GSN: variants seen among roughly 807,000 people sequenced by gnomAD.
GSN encodes gelsolin.
In GSN, 56 loss-of-function variants were observed where a neutral mutation model predicts 85.7. That is an observed-to-expected ratio of 0.65 (90% CI 0.53 to 0.82). The LOEUF is 0.82. Ranked by LOEUF, GSN falls within the 40% of genes least tolerant of loss-of-function variation. The pLI is 0.00. For missense variants in GSN, 857 were observed against 979.8 expected (o/e 0.87, Z 1.67); for synonymous variants, 373 against 399.1 (o/e 0.93, Z 0.78).
rs1442610106 is a variant in GSN at position 121,299,114 on chromosome 9, A to C, written c.-9-2849A>C. The C allele has an allele frequency of 6.2e-6, 1 of 160,928 alleles. No individual in the cohort carries two copies. The highest frequency in any genetic ancestry group is 1.3e-5 in the Non-Finnish European group (1 of 75,974). The allele number at this position is 160,928 out of a possible 1,614,324, so 10.0% of individuals were successfully genotyped here. A position where few individuals can be genotyped will look rare whatever the true frequency, so the allele number is the denominator to read the frequency against. ...GAGGTAAATGTGATGGAGAGGGAAC[A>C]ACTGTGTACAAACATGTGACTTTAC... On this transcript the variant is annotated intron_variant, in intron 2 of 17. Coordinates refer to ENST00000432226, the MANE Select transcript of GSN (RefSeq NM_198252.3). This position sits in a 1 kb window ranked among gnomAD's most constrained non-coding sequence, Gnocchi z 4.2.
upstream of GSN, among the ~76,000 whole-genome samples, chr9:121,207,451 A>G (rs143534560): frequency 2.6e-3 from 391 of 152,298 alleles, 3 homozygotes; most frequent in Middle Eastern, 0.014. Context: ...GGAAGTAATT[A>G]TATCTATTTT....
At chr9:121,224,026 A>G (rs1358235032) in intron 4 of GSN, among the ~76,000 whole-genome samples, 4 of 152,022 alleles carry the variant, frequency 2.6e-5, no homozygotes, top group Non-Finnish European at 5.9e-5. Flanking sequence ...AGTAATATCA[A>G]TCTTTTCAGT....
chr9:121,270,568 C>T (rs2055787523), intron 1 of GSN, among the ~76,000 whole-genome samples: 2 of 152,162 alleles, frequency 1.3e-5, no homozygotes, highest in Admixed American at 1.3e-4. Context: ...GAGAAGGTTG[C>T]TAAGGTATTC....
rs2061955704 is a variant in GSN at position 121,318,285 on chromosome 9, CCA to C, written c.887-118_887-117del. ...TCTGGGGGTCTCTGGCCTTGGCTGTCCACAGTCTAAGAAGAGTAGGGAGGGAA... is the reference window on the plus strand; with the variant it reads ...TCTGGGGGTCTCTGGCCTTGGCTGTCCAGTCTAAGAAGAGTAGGGAGGGAA... On this transcript the variant is annotated intron_variant, in intron 8 of 17. Transcript: ENST00000432226. The surrounding 1 kb of genome is among the most constrained non-coding windows in gnomAD (Gnocchi z 4.3). 1.2e-6 allele frequency: 1 copy of C among 855,910 alleles called. No homozygotes were observed. Among genetic ancestry groups the C allele is most frequent in the African/African-American group, 1.7e-5 (1 of 60,446 alleles). The allele number at this position is 855,910 out of a possible 1,614,324, so 53.0% of individuals were successfully genotyped here.
chr9:121,294,721 G>C (rs947111208), intron 2 of GSN, among the ~76,000 whole-genome samples: 1 of 152,208 alleles, frequency 6.6e-6, no homozygotes, highest in African/African-American at 2.4e-5. Context: ...TGGAGACCCA[G>C]GCCTCAGTTC....
intron 2 of GSN, among the ~76,000 whole-genome samples, chr9:121,288,290 C>G (rs1451609484): frequency 1.3e-5 from 2 of 152,166 alleles, no homozygotes; most frequent in Admixed American, 6.5e-5. Flanking sequence ...TGACCTCATG[C>G]AAATTATTGC....
intron 7 of GSN, 47 bp from the exon 8 acceptor site, chr9:121,317,039 C>T (rs774248226): frequency 1.6e-5 from 26 of 1,612,472 alleles, no homozygotes; most frequent in South Asian, 3.3e-5. Context: ...CAGGGCTGGG[C>T]GGCCACAGAC....
chr9:121,329,706 G>A lies in GSN; in HGVS notation c.1965+391G>A, dbSNP rs116392272. ...CAGTGTCACCTAGAGGCTCTAGAGGGCTCCTGCTTCTGGTTTGAGGGCTCT... is the reference window on the plus strand; with the variant it reads ...CAGTGTCACCTAGAGGCTCTAGAGGACTCCTGCTTCTGGTTTGAGGGCTCT... On this transcript the variant is annotated intron_variant, in intron 16 of 17. Transcript: ENST00000432226. The surrounding 1 kb of genome is among the most constrained non-coding windows in gnomAD (Gnocchi z 4.6). Among the ~76,000 whole-genome samples, 1,063 of 152,266 alleles carry A rather than the reference G, an allele frequency of 7.0e-3. 15 individuals are homozygous for A. The highest frequency in any genetic ancestry group is 0.025 in the African/African-American group (1,023 of 41,534).
At chr9:121,319,535 C>T (rs1438499642) in intron 10 of GSN, among the ~76,000 whole-genome samples, 1 of 149,022 alleles carries the variant, frequency 6.7e-6, no homozygotes, top group African/African-American at 2.5e-5. Flanking sequence ...GTTGCCCGGG[C>T]TAATTTCAAA....
rs116564461 is a variant in GSN, at chr9:121,231,668, A to G, written c.-389+365A>G. Among the ~76,000 whole-genome samples, 587 of 152,360 alleles carry G rather than the reference A, an allele frequency of 3.9e-3. 3 individuals carry two copies. The highest frequency in any genetic ancestry group is 0.013 in the African/African-American group (551 of 41,578). ...CAAATTTTCAACAGAGTGACCACAG[A>G]GTCCTACAGTATGAGCTCTCGTGGT... On this transcript the variant is annotated intron_variant, in intron 5 of 24. Transcript: ENST00000373823.
At chr9:121,257,469 C>T (rs1386339236) in intron 6 of GSN, among the ~76,000 whole-genome samples, 1 of 152,088 alleles carries the variant, frequency 6.6e-6, no homozygotes, top group Non-Finnish European at 1.5e-5. Flanking sequence ...GGTATGTGAC[C>T]CCTGAAACCT....
At chr9:121,239,090 T>A (rs2054551632) in intron 5 of GSN, 1 of 374,168 alleles carries the variant, frequency 2.7e-6, no homozygotes, top group Non-Finnish European at 5.2e-6. Flanking sequence ...GGAATTTGAG[T>A]AATTGAGCCA....
At chr9:121,281,778 G>A (rs1313531427) in intron 2 of GSN, 3 of 471,094 alleles carry the variant, frequency 6.4e-6, no homozygotes, top group Non-Finnish European at 1.3e-5. Flanking sequence ...GTAGGGAGGA[G>A]GCCGGGACTG....
chr9:121,292,089 G>T (rs2058748660), intron 2 of GSN, among the ~76,000 whole-genome samples: 1 of 152,128 alleles, frequency 6.6e-6, no homozygotes, highest in Admixed American at 6.5e-5. Flanking sequence ...TAGAGACAGG[G>T]TCTCACTCTG....
chr9:121,227,857 G>A (rs1333612356), intron 4 of GSN, among the ~76,000 whole-genome samples: 1 of 152,076 alleles, frequency 6.6e-6, no homozygotes, highest in African/African-American at 2.4e-5. Flanking sequence ...TGCCACTCAG[G>A]CTCAGCACTC....
chr9:121,211,092 G>A (rs10985181), intron 4 of GSN, among the ~76,000 whole-genome samples: 3,491 of 152,278 alleles, frequency 0.023, 54 homozygotes, highest in Middle Eastern at 0.041. Flanking sequence ...AAATAGTATA[G>A]GATTCCACTT....
intron 12 of GSN, 24 bp from the exon 13 acceptor site, chr9:121,326,488 C>T (rs745698589): frequency 9.9e-6 from 16 of 1,609,016 alleles, no homozygotes; most frequent in Non-Finnish European, 1.3e-5. Flanking sequence ...AGGTCCCTGA[C>T]TTGCTCTCCT....
At chr9:121,273,276 G>C (rs1295180480) in intron 1 of GSN, among the ~76,000 whole-genome samples, 1 of 152,102 alleles carries the variant, frequency 6.6e-6, no homozygotes, top group African/African-American at 2.4e-5. Flanking sequence ...AAGCTTATTT[G>C]CCAAGCAAAG....
At chr9:121,323,210 CT>C (rs2062707459) in intron 11 of GSN, among the ~76,000 whole-genome samples, 1 of 152,064 alleles carries the variant, frequency 6.6e-6, no homozygotes, top group Admixed American at 6.5e-5. Context: ...ACAGACAGTT[CT>C]CATATATCCA....
Sources: gnomAD v4.1 joint callset for allele counts (sites outside exome capture counted in the v4.1 genomes callset) on GRCh38, gnomAD v4.1.1 for gene constraint, Gnocchi (gnomAD v3.1) non-coding constraint, MANE v1.5 for transcripts, NCBI Gene and HGNC (gene_info 2026-07-23, HGNC 2026-07-21) for gene names.